Variants in SLC9A9 observed in about 807,000 individuals in gnomAD.
SLC9A9 encodes the protein solute carrier family 9 member A9.
SLC9A9 carries 62 observed loss-of-function variants against 77.8 expected under a neutral mutation model. The ratio of observed to expected loss-of-function variants is 0.80; its 90% CI spans 0.65 to 0.98. The LOEUF (loss-of-function observed/expected upper bound fraction) is 0.98. Among genes scored for constraint, SLC9A9 ranks in the 50% least tolerant of loss-of-function variants. The pLI, the probability that SLC9A9 is intolerant of heterozygous loss-of-function variation, is 0.00. For synonymous variants in SLC9A9, 320 were observed against 283.5 expected (o/e 1.13, Z -1.29); for missense variants, 775 against 774.9 (o/e 1.00, Z 0.00).
At chr3:143,585,638 C>A (rs1278418617) in intron 6 of SLC9A9, among the ~76,000 whole-genome samples, 1 of 152,202 alleles carries the variant, frequency 6.6e-6, no homozygotes, top group Non-Finnish European at 1.5e-5. Flanking sequence ...TTGACTGAGA[C>A]CTGTCACAGA....
chr3:143,660,317 C>A (rs1173222821), intron 5 of SLC9A9, among the ~76,000 whole-genome samples: 2 of 152,186 alleles, frequency 1.3e-5, no homozygotes, highest in African/African-American at 4.8e-5. Flanking sequence ...AAGGATCCAA[C>A]ACACTGTTCT....
chr3:143,662,584 C>T (rs754403285), intron 5 of SLC9A9, among the ~76,000 whole-genome samples: 2 of 152,056 alleles, frequency 1.3e-5, no homozygotes, highest in Non-Finnish European at 2.9e-5. Context: ...CCTGGAAACT[C>T]AGGACACTCG....
chr3:143,774,945 T>C (rs1265888102), intron 4 of SLC9A9, among the ~76,000 whole-genome samples: 1 of 152,148 alleles, frequency 6.6e-6, no homozygotes, highest in Non-Finnish European at 1.5e-5. Context: ...ACAGTAGTGC[T>C]CCACCACGAA....
At chr3:143,271,150 G>A (rs1192071402) in intron 14 of SLC9A9, among the ~76,000 whole-genome samples, 7 of 152,238 alleles carry the variant, frequency 4.6e-5, no homozygotes, top group Non-Finnish European at 1.0e-4. Flanking sequence ...TTTAGCATAT[G>A]TGAGGTTTCA....
At chr3:143,588,127 C>A (rs1475731151) in intron 6 of SLC9A9, among the ~76,000 whole-genome samples, 6 of 152,168 alleles carry the variant, frequency 3.9e-5, no homozygotes, top group African/African-American at 1.4e-4. Context: ...GTAGTGAATT[C>A]TCTGTAGTTG....
At chr3:143,795,117 T>A (rs1263434921) in intron 3 of SLC9A9, 40 bp from the exon 4 acceptor site, 1 of 1,565,630 alleles carries the variant, frequency 6.4e-7, no homozygotes, top group African/African-American at 1.4e-5. Context: ...TACATCAGAA[T>A]TTTTTCTTAG....
At chr3:143,663,467 C>T (rs952776212) in intron 5 of SLC9A9, among the ~76,000 whole-genome samples, 28 of 152,294 alleles carry the variant, frequency 1.8e-4, no homozygotes, top group African/African-American at 3.6e-4. Flanking sequence ...AGAACGAATT[C>T]GACGAGTTGA....
chr3:143,481,311 A>G (rs940442503), intron 11 of SLC9A9, among the ~76,000 whole-genome samples: 3 of 152,222 alleles, frequency 2.0e-5, no homozygotes, highest in African/African-American at 7.2e-5. Context: ...AAGGCTTGTT[A>G]TCAGAAGGGA....
At chr3:143,490,720 T>C (rs2035728083) in intron 11 of SLC9A9, among the ~76,000 whole-genome samples, 1 of 152,146 alleles carries the variant, frequency 6.6e-6, no homozygotes. Flanking sequence ...AGAACAATAA[T>C]GGCTATCCCA....
intron 12 of SLC9A9, among the ~76,000 whole-genome samples, chr3:143,443,691 C>A (rs1036970123): frequency 6.6e-6 from 1 of 152,150 alleles, no homozygotes; most frequent in Non-Finnish European, 1.5e-5. Flanking sequence ...AGGCAATATT[C>A]CCAAGGGCTG....
At chr3:143,794,849 C>T (rs566469586) in intron 4 of SLC9A9, 152 bp downstream of exon 4, 391 of 716,862 alleles carry the variant, frequency 5.5e-4, no homozygotes, top group African/African-American at 9.1e-4. Context: ...TGTCAGAAGC[C>T]GTGGAATTAA....
intron 3 of SLC9A9, among the ~76,000 whole-genome samples, chr3:143,795,687 C>G (rs2008366901): frequency 6.6e-6 from 1 of 152,162 alleles, no homozygotes; most frequent in Admixed American, 6.5e-5. Context: ...CATAATCGTA[C>G]CATTGTACTG....
intron 5 of SLC9A9, among the ~76,000 whole-genome samples, chr3:143,661,458 C>T (rs142039023): frequency 5.9e-5 from 9 of 152,230 alleles, no homozygotes; most frequent in African/African-American, 1.7e-4. Context: ...CACTGTGGCA[C>T]CTGGCACTGT....
chr3:143,411,330 G>A (rs2034093095), intron 12 of SLC9A9, among the ~76,000 whole-genome samples: 1 of 152,120 alleles, frequency 6.6e-6, no homozygotes, highest in Non-Finnish European at 1.5e-5. Context: ...TATTTCTTTA[G>A]CTTGGGTCCT....
intron 1 of SLC9A9, among the ~76,000 whole-genome samples, chr3:143,839,468 A>G (rs1214270968): frequency 6.6e-6 from 1 of 151,372 alleles, no homozygotes; most frequent in Non-Finnish European, 1.5e-5. Context: ...TAATGTCCAC[A>G]ATCCATCCTT....
At chr3:143,474,321 A>G (rs2035430021) in intron 11 of SLC9A9, among the ~76,000 whole-genome samples, 1 of 152,080 alleles carries the variant, frequency 6.6e-6, no homozygotes, top group Admixed American at 6.5e-5. Context: ...TTTTATTTTG[A>G]GATAGTAAAC....
chr3:143,481,421 A>G lies in SLC9A9; in HGVS notation c.1315+12232T>C, dbSNP rs150383935. Among the ~76,000 whole-genome samples, 184 of 152,330 alleles carry G rather than the reference A, an allele frequency of 1.2e-3. 1 individual carries two copies. The highest frequency in any genetic ancestry group is 3.7e-3 in the African/African-American group (155 of 41,580). On this transcript the variant is annotated intron_variant, in intron 11 of 15. Coordinates refer to ENST00000316549, the MANE Select transcript of SLC9A9 (RefSeq NM_173653.4). The stretch of plus-strand genomic sequence containing the variant: ...ATAAGGAGAGCCTGAGTGAATAGGG[A>G]GGAAGACCTTAGCATGCTGAAGGAA...
chr3:143,424,797 T>G (rs1423823350), intron 12 of SLC9A9, among the ~76,000 whole-genome samples: 3 of 152,122 alleles, frequency 2.0e-5, no homozygotes, highest in African/African-American at 7.2e-5. Flanking sequence ...AAAACACAGG[T>G]GCTGGGTTTT....
At chr3:143,706,295 G>A (rs1933974445) in intron 4 of SLC9A9, among the ~76,000 whole-genome samples, 1 of 152,202 alleles carries the variant, frequency 6.6e-6, no homozygotes, top group Non-Finnish European at 1.5e-5. Flanking sequence ...GGGAATGCCT[G>A]TCCTGATTGA....
Sources: gnomAD v4.1 joint callset for allele counts (sites outside exome capture counted in the v4.1 genomes callset) on GRCh38, gnomAD v4.1.1 for gene constraint, MANE v1.5 for transcripts, NCBI Gene and HGNC (gene_info 2026-07-23, HGNC 2026-07-21) for gene names.